DUSP18: variants seen among roughly 807,000 people sequenced by gnomAD.
DUSP18 encodes the protein dual specificity protein phosphatase 18.
DUSP18 carries 4 observed loss-of-function variants against 6.3 expected under a neutral mutation model. The observed-to-expected ratio is 0.63, with a 90% confidence interval of 0.31 to 1.45. The LOEUF is 1.45. Among genes scored for constraint, DUSP18 ranks in the 40% most tolerant of loss-of-function variants. DUSP18 has a pLI of 0.07. For missense variants in DUSP18, 235 were observed against 247.7 expected (o/e 0.95, Z 0.34); for synonymous variants, 96 against 95.1 (o/e 1.01, Z -0.05).
intron 1 of DUSP18, among the ~76,000 whole-genome samples, chr22:30,664,349 C>T (rs1363459492): frequency 6.6e-6 from 1 of 152,216 alleles, no homozygotes; most frequent in Non-Finnish European, 1.5e-5. Flanking sequence ...GGACAAATGG[C>T]AAGTCCCCAA....
At chr22:30,656,473 A>G (rs1308385677), downstream of DUSP18, among the ~76,000 whole-genome samples, 1 of 152,162 alleles carries the variant, frequency 6.6e-6, no homozygotes, top group Non-Finnish European at 1.5e-5. Context: ...TTCTCAAACC[A>G]AATTTAATTG....
In DUSP18 at chr22:30,653,985, G is replaced by GTT. The variant is rs71814511; in HGVS notation, c.*34-1690_*34-1689dup. ...GCCTCATTAGCTGTTTTGTTTTTTT[G>GTT]TTTTTTTTTTTTGAGACGGAGTCGC... On this transcript the variant is annotated intron_variant, in intron 2 of 2. Coordinates refer to the DUSP18 transcript ENST00000404885. 112 of 143,512 alleles carry GTT rather than the reference G, an allele frequency of 7.8e-4. 1 individual carries two copies. Among genetic ancestry groups the GTT allele is most frequent in the Admixed American group, 1.4e-3 (20 of 14,180 alleles). The allele number at this position is 143,512 out of a possible 1,614,324, so 8.9% of individuals were successfully genotyped here.
intron 1 of DUSP18, among the ~76,000 whole-genome samples, chr22:30,664,485 T>G (rs2088581792): frequency 6.6e-6 from 1 of 152,224 alleles, no homozygotes. Context: ...TTGCTGCTCT[T>G]CCAAATTCTC....
At chr22:30,660,887 T>C (rs1271142969), downstream of DUSP18, among the ~76,000 whole-genome samples, 1 of 151,878 alleles carries the variant, frequency 6.6e-6, no homozygotes, top group Non-Finnish European at 1.5e-5. Context: ...TTGCCCAGGC[T>C]GGAGTGCAAT....
intron 2 of DUSP18, chr22:30,653,976 TG>T (rs200352918): frequency 6.8e-5 from 10 of 147,120 alleles, no homozygotes; most frequent in Middle Eastern, 3.2e-3. Flanking sequence ...TTAGCTGTTT[TG>T]TTTTTTTGTT....
At chr22:30,654,072 C>T (rs986541237) in intron 2 of DUSP18, 17 of 179,292 alleles carry the variant, frequency 9.5e-5, no homozygotes, top group Admixed American at 2.4e-4. Flanking sequence ...CTCCGCCCCA[C>T]GGGTTCACGC....
chr22:30,653,497 G>A (rs1358687523), intron 2 of DUSP18, among the ~76,000 whole-genome samples: 2 of 151,576 alleles, frequency 1.3e-5, no homozygotes, highest in East Asian at 2.0e-4. Flanking sequence ...TCAGCCTCCT[G>A]AGTAGGTGGA....
At chr22:30,655,618 G>A (rs2088325607) in intron 2 of DUSP18, among the ~76,000 whole-genome samples, 2 of 151,894 alleles carry the variant, frequency 1.3e-5, no homozygotes, top group South Asian at 4.2e-4. Flanking sequence ...CCAGGAACTA[G>A]CTAGAAGGAG....
chr22:30,663,536 G>A lies in DUSP18; in HGVS notation c.468C>T (p.Phe156=). Residue 156 remains phenylalanine (F), a synonymous_variant, in exon 2 of 2, where the codon TTC becomes TTT. Coordinates refer to ENST00000334679, the MANE Select transcript of DUSP18 (RefSeq NM_152511.5). The stretch of plus-strand genomic sequence containing the variant: ...GCACAGTGTTCTTGCCAAACAATTG[G>A]AACTCATAGTGGATGAGCTGCTCCC... ...GFWEQLIHYE[F]QLFGKNTVHM... 1 of 1,614,156 alleles carries A rather than the reference G, an allele frequency of 6.2e-7. No homozygotes were observed. Among genetic ancestry groups the A allele is most frequent in the Non-Finnish European group, 8.5e-7 (1 of 1,180,026 alleles).
rs2088486152 is a variant in DUSP18 at position 30,662,029 on chromosome 22, C to CT, written c.*1407_*1408insA. On this transcript the variant is annotated 3_prime_UTR_variant, in exon 2 of 2. Coordinates refer to ENST00000334679, the MANE Select transcript of DUSP18 (RefSeq NM_152511.5). The stretch of plus-strand genomic sequence containing the variant: ...AGGTAGGGTCTGAAAGGACTTAAAC[C>CT]ATTTTTTTTTTTTTTTTTTTTTACA... The CT allele has an allele frequency of 6.3e-5, 5 of 79,750 alleles. No homozygotes were observed. The highest frequency in any genetic ancestry group is 1.5e-4 in the African/African-American group (4 of 27,342). The allele number at this position is 79,750 out of a possible 1,614,324, so 4.9% of individuals were successfully genotyped here.
chr22:30,655,112 TTAC>T (rs2088308298), intron 2 of DUSP18, among the ~76,000 whole-genome samples: 1 of 152,066 alleles, frequency 6.6e-6, no homozygotes, highest in South Asian at 2.1e-4. Flanking sequence ...CGGTGTGAAG[TTAC>T]AGGGGCTGTG....
intron 1 of DUSP18, among the ~76,000 whole-genome samples, chr22:30,666,437 ATG>A (rs1328935000): frequency 2.2e-4 from 33 of 152,080 alleles, no homozygotes; most frequent in Non-Finnish European, 4.0e-4. Flanking sequence ...CCTGACCAAC[ATG>A]GTGAAACCCC....
In DUSP18 at chr22:30,664,044, A is replaced by G; in HGVS notation, c.-41T>C. On this transcript the variant is annotated 5_prime_UTR_variant, in exon 2 of 2. Transcript: ENST00000334679. ...GTGGTCAGCAGTCAGCGAAGCACGA[A>G]GGCTGCGTCTTTCTGCTAGGCTGTG... The G allele has an allele frequency of 6.5e-7, 1 of 1,549,668 alleles. No individual in the cohort carries two copies. The highest frequency in any genetic ancestry group is 1.9e-5 in the Admixed American group (1 of 53,666).
In DUSP18 at chr22:30,663,873, T is replaced by C. The variant is rs766501550; in HGVS notation, c.131A>G (p.Asn44Ser). 10 of 1,614,088 alleles carry C rather than the reference T, an allele frequency of 6.2e-6. No individual in the cohort carries two copies. The highest frequency in any genetic ancestry group is 1.1e-5 in the South Asian group (1 of 91,092). ...GACATTGATGACCATGGTGATCTGG[T>C]TGCTAGACAGCATGAGCTTGTTGTT... ...AANNKLMLSSNQITMVINVSV... is the reference protein window; with the variant it reads ...AANNKLMLSSSQITMVINVSV... Residue 44 changes from asparagine (N) to serine (S), a missense_variant, in exon 2 of 2, where the codon AAC (asparagine) becomes AGC (serine). Physicochemically the swap from Asn to Ser is conservative, Grantham distance 46. Transcript: ENST00000334679.
chr22:30,667,187 A>G (rs1205019549), intron 1 of DUSP18: 1 of 152,226 alleles, frequency 6.6e-6, no homozygotes, highest in Non-Finnish European at 1.5e-5. Flanking sequence ...TTTCCATTTT[A>G]CAAAAGAGGA....
intron 2 of DUSP18, among the ~76,000 whole-genome samples, chr22:30,656,161 G>T (rs1187485004): frequency 1.3e-5 from 2 of 151,584 alleles, no homozygotes; most frequent in Non-Finnish European, 2.9e-5. Context: ...ACTTTTTGTA[G>T]AGAAGGAGTC....
At chr22:30,659,161 G>A (rs2088409085), downstream of DUSP18, among the ~76,000 whole-genome samples, 1 of 147,254 alleles carries the variant, frequency 6.8e-6, no homozygotes, top group South Asian at 2.1e-4. Context: ...AAACTGAACT[G>A]ATACTGGAAC....
intron 2 of DUSP18, among the ~76,000 whole-genome samples, chr22:30,655,102 C>T (rs749186241): frequency 3.9e-5 from 6 of 152,044 alleles, no homozygotes; most frequent in African/African-American, 7.2e-5. Context: ...AACAGAGCCA[C>T]GGTGTGAAGT....
At chr22:30,657,745 G>A (rs1243663493), downstream of DUSP18, among the ~76,000 whole-genome samples, 2 of 148,156 alleles carry the variant, frequency 1.3e-5, no homozygotes, top group East Asian at 4.1e-4. Context: ...TCTACTAAAA[G>A]TACAAAAAAT....
Sources: allele counts gnomAD v4.1 joint callset (sites outside exome capture counted in the v4.1 genomes callset), GRCh38; gene constraint gnomAD v4.1.1; transcripts MANE v1.5; gene names NCBI Gene and HGNC (gene_info 2026-07-23, HGNC 2026-07-21).